The following REPS2 variants were observed in gnomAD, a reference collection of about 807,000 sequenced individuals.
REPS2 encodes RALBP1 associated Eps domain containing 2.
In REPS2, 23 loss-of-function variants were observed where a neutral mutation model predicts 53.6. The ratio of observed to expected loss-of-function variants is 0.43; its 90% CI spans 0.31 to 0.61. The LOEUF (loss-of-function observed/expected upper bound fraction) is 0.61, where lower values mean the gene tolerates loss of function less well. Ranked by LOEUF, REPS2 falls within the 20% of genes least tolerant of loss-of-function variation. The pLI is 0.11. For synonymous variants in REPS2, 238 were observed against 218.6 expected (o/e 1.09, Z -0.78); for missense variants, 446 against 534.9 (o/e 0.83, Z 1.64).
At chrX:17,098,610 T>TTGTGTG (rs369203546) in intron 13 of REPS2, among the ~76,000 whole-genome samples, 21 of 103,252 alleles carry the variant, frequency 2.0e-4, no homozygotes, top group Middle Eastern at 4.9e-3. Flanking sequence ...AAAAATGGTT[T>TTGTGTG]TGTGTGTGTG....
the REPS2 span, among the ~76,000 whole-genome samples, chrX:17,175,476 T>C: frequency 5.3e-5 from 6 of 112,241 alleles, no homozygotes; most frequent in African/African-American, 1.9e-4. Flanking sequence ...AGCACTTGTT[T>C]TTTGCATACC....
intron 1 of REPS2, among the ~76,000 whole-genome samples, chrX:16,975,076 A>G (rs1329776269): frequency 2.7e-5 from 3 of 112,006 alleles, no homozygotes; most frequent in Non-Finnish European, 5.6e-5. Context: ...GTAGTATTCC[A>G]TGGTGTATAT....
intron 17 of REPS2, among the ~76,000 whole-genome samples, chrX:17,145,955 G>T (rs2063507184): frequency 9.1e-6 from 1 of 109,734 alleles, no homozygotes; most frequent in African/African-American, 3.3e-5. Context: ...TAAAAATACA[G>T]AAAATTAGCC....
chrX:17,049,589 TTTTTTAAA>T (rs2061952696), intron 6 of REPS2, among the ~76,000 whole-genome samples: 1 of 111,942 alleles, frequency 8.9e-6, no homozygotes, highest in African/African-American at 3.2e-5. Context: ...GCTGTGCAAT[TTTTTTAAA>T]TTTTTAAATT....
intron 1 of REPS2, among the ~76,000 whole-genome samples, chrX:16,978,044 T>A (rs1469832439): frequency 8.9e-6 from 1 of 111,890 alleles, no homozygotes; most frequent in Non-Finnish European, 1.9e-5. Flanking sequence ...ATCATGGTGG[T>A]TCCTGGGTAG....
intron 6 of REPS2, among the ~76,000 whole-genome samples, chrX:17,051,205 A>C (rs1053784094): frequency 9.0e-6 from 1 of 111,150 alleles, no homozygotes; most frequent in Non-Finnish European, 1.9e-5. Flanking sequence ...ATTTTTTTTT[A>C]ATGGCTGAAT....
chrX:17,132,137 C>T (rs1411123956), intron 14 of REPS2, among the ~76,000 whole-genome samples: 2 of 112,049 alleles, frequency 1.8e-5, no homozygotes, highest in Non-Finnish European at 3.8e-5. Flanking sequence ...TCACATTCAA[C>T]GTGCTGTTTA....
chrX:16,966,470 A>T (rs755707564), intron 1 of REPS2, among the ~76,000 whole-genome samples: 3 of 112,347 alleles, frequency 2.7e-5, no homozygotes, highest in Non-Finnish European at 5.6e-5. Flanking sequence ...CCCAAGTCTA[A>T]ACACGAAATT....
the REPS2 span, among the ~76,000 whole-genome samples, chrX:17,189,250 C>T: frequency 9.4e-6 from 1 of 106,818 alleles, no homozygotes; most frequent in African/African-American, 3.3e-5. Flanking sequence ...CCACTTATCT[C>T]TCTAAAGGCA....
chrX:17,048,794 A>G (rs1393484254), intron 6 of REPS2, among the ~76,000 whole-genome samples: 4 of 113,193 alleles, frequency 3.5e-5, no homozygotes, highest in Non-Finnish European at 7.5e-5. Flanking sequence ...CTGTGCTACC[A>G]GTCGTATAAA....
At chrX:17,155,872 G>A (rs2063609475), downstream of REPS2, among the ~76,000 whole-genome samples, 1 of 111,678 alleles carries the variant, frequency 9.0e-6, no homozygotes, top group African/African-American at 3.3e-5. Flanking sequence ...TTTTGAAAGG[G>A]GAGATGTCAT....
intron 5 of REPS2, among the ~76,000 whole-genome samples, chrX:17,036,555 T>A (rs1248690420): frequency 1.8e-5 from 2 of 111,749 alleles, no homozygotes; most frequent in Admixed American, 1.9e-4. Flanking sequence ...CCTGAGGCTC[T>A]CGAAGGAGGT....
intron 1 of REPS2, among the ~76,000 whole-genome samples, chrX:16,966,532 C>A (rs1341197157): frequency 8.9e-6 from 1 of 112,190 alleles, no homozygotes; most frequent in Admixed American, 9.4e-5. Flanking sequence ...TAATTTTATA[C>A]AATATTTTAA....
rs142903494 is a variant in REPS2 at position 17,009,172 on chromosome X, G to T, written c.397+2828G>T. Among the ~76,000 whole-genome samples the T allele has an allele frequency of 5.1e-3, 494 of 97,443 alleles. 1 individual carries two copies. Among genetic ancestry groups the T allele is most frequent in the Non-Finnish European group, 7.7e-3 (365 of 47,394 alleles). The allele number at this position is 97,443 out of a possible 115,157, so 84.6% of individuals were successfully genotyped here. On this transcript the variant is annotated intron_variant, in intron 2 of 17. Coordinates refer to ENST00000357277, the MANE Select transcript of REPS2 (RefSeq NM_004726.3). ...TTTCCCACTGGTTTTTTGTTTGTTTGTTTTTTGACAGAGACTCGCTCTGTC... is the reference window on the plus strand; with the variant it reads ...TTTCCCACTGGTTTTTTGTTTGTTTTTTTTTTGACAGAGACTCGCTCTGTC...
chrX:17,035,534 C>T (rs1266438478), intron 5 of REPS2, among the ~76,000 whole-genome samples: 5 of 110,912 alleles, frequency 4.5e-5, no homozygotes, highest in Middle Eastern at 4.2e-3. Flanking sequence ...CAGGCCCGCC[C>T]GGATTCTTTT....
intron 8 of REPS2, among the ~76,000 whole-genome samples, chrX:17,060,264 C>G (rs1185136885): frequency 9.0e-6 from 1 of 110,827 alleles, no homozygotes; most frequent in African/African-American, 3.3e-5. Flanking sequence ...GATTGCGTCA[C>G]TGCACTCCAG....
At chrX:17,002,619 T>A (rs2061321153) in intron 1 of REPS2, among the ~76,000 whole-genome samples, 1 of 112,313 alleles carries the variant, frequency 8.9e-6, no homozygotes, top group Non-Finnish European at 1.9e-5. Context: ...CCTGAGAGGC[T>A]GAGGTACAAT....
At chrX:16,967,199 A>AACTGAAC (rs2060781164) in intron 1 of REPS2, among the ~76,000 whole-genome samples, 1 of 111,973 alleles carries the variant, frequency 8.9e-6, no homozygotes, top group South Asian at 3.7e-4. Context: ...AGTTTCCATA[A>AACTGAAC]ACAGTTTTAT....
At chrX:17,138,377 C>A (rs1467098501) in intron 16 of REPS2, 1 of 113,470 alleles carries the variant, frequency 8.8e-6, no homozygotes, top group Non-Finnish European at 1.8e-5. Context: ...GGCATTCATG[C>A]CTAATAATAC....
Sources: allele counts gnomAD v4.1 joint callset (sites outside exome capture counted in the v4.1 genomes callset), GRCh38; gene constraint gnomAD v4.1.1; transcripts MANE v1.5; gene names NCBI Gene and HGNC (gene_info 2026-07-23, HGNC 2026-07-21).